The following CLCN4 variants were observed in gnomAD, a reference collection of about 807,000 sequenced individuals.
CLCN4 encodes Cl-/H+ antiporter 4.
A neutral mutation model predicts 41.7 loss-of-function variants in CLCN4; 1 was observed. The ratio of observed to expected loss-of-function variants is 0.02; its 90% confidence interval spans 0.01 to 0.11. The LOEUF (loss-of-function observed/expected upper bound fraction) is 0.11. Ranked by LOEUF, CLCN4 falls within the 10% of genes least tolerant of loss-of-function variation. CLCN4 has a pLI of 1.00. For synonymous variants in CLCN4, 277 were observed against 285.8 expected (o/e 0.97, Z 0.31); for missense variants, 287 against 661.0 (o/e 0.43, Z 6.20).
In CLCN4 at chrX:10,233,787, G is replaced by A. The variant is rs1378151778; in HGVS notation, c.*203G>A. On this transcript the variant is annotated 3_prime_UTR_variant, in exon 13 of 13. Transcript: ENST00000380833. ...GTAGGCATTTTATAGCTTTAACCCC[G>A]TATGAGTTTCAAGCTGTGTTTCCTA... The A allele has an allele frequency of 6.3e-5, 25 of 396,354 alleles. No individual in the cohort carries two copies. The highest frequency in any genetic ancestry group is 5.2e-4 in the South Asian group (14 of 26,953). The allele number at this position is 396,354 out of a possible 1,213,427, so 32.7% of individuals were successfully genotyped here.
intron 4 of CLCN4, 67 bp from the exon 5 acceptor site, chrX:10,194,844 C>A: frequency 9.1e-7 from 1 of 1,096,691 alleles, no homozygotes. Context: ...GTCTGGCCGC[C>A]GTGTTGGTCT....
At chrX:10,206,887 T>A (rs1454957809) in intron 8 of CLCN4, 111 bp downstream of exon 8, 6 of 528,968 alleles carry the variant, frequency 1.1e-5, no homozygotes, top group Non-Finnish European at 1.8e-5. Context: ...GGAGCCACAA[T>A]TTCCACTGTT....
rs142150485 is a variant in CLCN4 at position 10,213,174 on chromosome X, G to A, written c.1577-507G>A. Reference sequence around the variant, plus strand: ...TGAATGCCTGTTGCTTTTGTACCACGGAAAGTGGCAAAATTGTAAGTTAAA... The same window carrying A: ...TGAATGCCTGTTGCTTTTGTACCACAGAAAGTGGCAAAATTGTAAGTTAAA... On this transcript the variant is annotated intron_variant, in intron 10 of 12. Coordinates refer to ENST00000380833, the MANE Select transcript of CLCN4 (RefSeq NM_001830.4). Among the ~76,000 whole-genome samples, 783 of 111,904 alleles carry A rather than the reference G, an allele frequency of 7.0e-3. 10 individuals are homozygous for A. The highest frequency in any genetic ancestry group is 0.024 in the African/African-American group (753 of 30,757).
Position 10,236,835 on chromosome X carries a change from G to C in CLCN4, c.*3251G>C, listed in dbSNP as rs190336076. On this transcript the variant is annotated 3_prime_UTR_variant, in exon 13 of 13. Coordinates refer to ENST00000380833, the MANE Select transcript of CLCN4 (RefSeq NM_001830.4). ...AAAACCATCAACACATCATGGGAAAGGAGCTCTTTCATGATATACATCACA... is the reference window on the plus strand; with the variant it reads ...AAAACCATCAACACATCATGGGAAACGAGCTCTTTCATGATATACATCACA... The C allele has an allele frequency of 2.7e-5, 3 of 111,281 alleles. No individual in the cohort carries two copies. The East Asian group carries it at 8.5e-4, about 31-fold the overall frequency. 9.2% of individuals were successfully genotyped at this position (111,281 alleles called of 1,213,427 possible).
intron 11 of CLCN4, among the ~76,000 whole-genome samples, chrX:10,220,445 A>G (rs904138804): frequency 2.7e-5 from 3 of 111,726 alleles, no homozygotes; most frequent in Non-Finnish European, 5.6e-5. Context: ...TTGGCAACAA[A>G]TGATCCGGTC....
At chrX:10,158,572 G>A (rs1052313218) in intron 2 of CLCN4, 21 bp downstream of exon 2, 4 of 290,257 alleles carry the variant, frequency 1.4e-5, no homozygotes, top group African/African-American at 5.5e-5. Flanking sequence ...CGCGGCGCCT[G>A]GATGCCCTCC....
intron 2 of CLCN4, among the ~76,000 whole-genome samples, chrX:10,173,103 T>C (rs1169050024): frequency 1.8e-5 from 2 of 111,072 alleles, no homozygotes; most frequent in African/African-American, 6.6e-5. Context: ...GACTGCCCTC[T>C]TCCCCTCCCC....
intron 2 of CLCN4, among the ~76,000 whole-genome samples, chrX:10,161,131 C>CTCTCTCTT: frequency 1.5e-5 from 1 of 65,769 alleles, no homozygotes; most frequent in Non-Finnish European, 3.0e-5. Context: ...CTTGCTCTCT[C>CTCTCTCTT]TCTCTCTCTC....
intron 2 of CLCN4, among the ~76,000 whole-genome samples, chrX:10,168,480 T>C (rs1189123861): frequency 8.9e-6 from 1 of 112,048 alleles, no homozygotes; most frequent in East Asian, 2.8e-4. Context: ...CAAGAGAGGA[T>C]GCAATGGGTG....
intron 2 of CLCN4, among the ~76,000 whole-genome samples, chrX:10,160,952 GA>G (rs1241572240): frequency 9.0e-6 from 1 of 111,016 alleles, no homozygotes; most frequent in Admixed American, 9.6e-5. Context: ...AAACTCCCAA[GA>G]GACAGGAAGC....
chrX:10,158,520 T>A lies in CLCN4; in HGVS notation c.-43T>A. On this transcript the variant is annotated 5_prime_UTR_variant, in exon 2 of 13. Coordinates refer to ENST00000380833, the MANE Select transcript of CLCN4 (RefSeq NM_001830.4). The stretch of plus-strand genomic sequence containing the variant: ...AGGATGCTCGAGGATGCTGTCCAGG[T>A]GGGCGGCCGCGGGCGCGATGCGGCA... 1.0e-5 allele frequency: 3 copies of A among 297,094 alleles called. No homozygotes were observed. The highest frequency in any genetic ancestry group is 1.8e-5 in the Non-Finnish European group (3 of 169,684). The allele number at this position is 297,094 out of a possible 1,213,427, so 24.5% of individuals were successfully genotyped here.
chrX:10,165,781 G>A (rs950180129), intron 2 of CLCN4, among the ~76,000 whole-genome samples: 2 of 112,176 alleles, frequency 1.8e-5, no homozygotes, highest in African/African-American at 6.5e-5. Context: ...ATAGCCGAGA[G>A]ATTGTTCCTC....
At chrX:10,189,206 G>T (rs1156708262) in intron 4 of CLCN4, among the ~76,000 whole-genome samples, 2 of 111,863 alleles carry the variant, frequency 1.8e-5, no homozygotes, top group Non-Finnish European at 3.8e-5. Flanking sequence ...CTCGTAGGAA[G>T]GAGAAATAAA....
chrX:10,215,572 G>A (rs186070401), intron 11 of CLCN4, among the ~76,000 whole-genome samples: 109 of 111,829 alleles, frequency 9.7e-4, no homozygotes, highest in African/African-American at 3.4e-3. Context: ...GATTGGGTTT[G>A]TTTAAAAATA....
intron 12 of CLCN4, among the ~76,000 whole-genome samples, chrX:10,225,840 T>C (rs59965324): frequency 0.18 from 19,633 of 111,376 alleles, 1,563 homozygotes; most frequent in African/African-American, 0.31. Flanking sequence ...GCATCATTTA[T>C]TAAATAGGGA....
At chrX:10,179,165 C>T (rs559739913) in intron 2 of CLCN4, among the ~76,000 whole-genome samples, 2 of 112,346 alleles carry the variant, frequency 1.8e-5, no homozygotes, top group African/African-American at 6.5e-5. Flanking sequence ...AAAGTCCCAG[C>T]CCTAAACATT....
intron 11 of CLCN4, among the ~76,000 whole-genome samples, chrX:10,217,931 C>T (rs866803421): frequency 3.6e-5 from 4 of 110,305 alleles, no homozygotes; most frequent in African/African-American, 9.9e-5. Context: ...TTAGTAGGGA[C>T]GGAGCTTCAC....
At chrX:10,204,012 T>TGTAA (rs1924307076) in intron 6 of CLCN4, among the ~76,000 whole-genome samples, 1 of 112,019 alleles carries the variant, frequency 8.9e-6, no homozygotes, top group South Asian at 3.7e-4. Flanking sequence ...ATTACAGGCT[T>TGTAA]GTAAGTTGCT....
intron 2 of CLCN4, among the ~76,000 whole-genome samples, chrX:10,180,196 G>A (rs1251763798): frequency 2.7e-5 from 3 of 111,875 alleles, no homozygotes; most frequent in Non-Finnish European, 3.8e-5. Context: ...AGTTTTGTAA[G>A]TTGGGTGGTT....
Sources: allele counts gnomAD v4.1 joint callset (sites outside exome capture counted in the v4.1 genomes callset), GRCh38; gene constraint gnomAD v4.1.1; transcripts MANE v1.5; gene names NCBI Gene and HGNC (gene_info 2026-07-23, HGNC 2026-07-21).